Variants in NUCKS1 observed in about 807,000 individuals in gnomAD.
NUCKS1 encodes the protein nuclear ubiquitous casein and cyclin-dependent kinase substrate 1.
A neutral mutation model predicts 33.0 loss-of-function variants in NUCKS1; 2 were observed. The observed-to-expected ratio is 0.06, with a 90% CI of 0.02 to 0.19. NUCKS1 has a LOEUF of 0.19. Among genes scored for constraint, NUCKS1 ranks in the 10% least tolerant of loss-of-function variants. The pLI is 1.00. For missense variants in NUCKS1, 201 were observed against 293.6 expected, an observed-to-expected ratio of 0.68 and a Z score of 2.31; for synonymous variants, 106 against 102.8, an observed-to-expected ratio of 1.03 and a Z score of -0.19.
intron 3 of NUCKS1, among the ~76,000 whole-genome samples, chr1:205,726,175 G>A (rs1279012818): frequency 6.6e-6 from 1 of 152,062 alleles, no homozygotes; most frequent in Non-Finnish European, 1.5e-5. Context: ...CTCCAGCCTG[G>A]GTGACAAGAG....
At position 205,713,536 on chromosome 1, in the gene NUCKS1, A is replaced by G. The variant is rs964643902; in HGVS notation, c.*4744T>C. 2 of 152,252 alleles carry G rather than the reference A, an allele frequency of 1.3e-5. No individual in the cohort carries two copies. The highest frequency in any genetic ancestry group is 2.9e-5 in the Non-Finnish European group (2 of 68,048). The allele number at this position is 152,252 out of a possible 1,614,324, so 9.4% of individuals were successfully genotyped here. On this transcript the variant is annotated 3_prime_UTR_variant, in exon 7 of 7. Transcript: ENST00000367142. ...TAAAAATTAAGTATCACAAAAGACCATCACACGATTCTACCAATGCATGTT... is the reference window on the plus strand; with the variant it reads ...TAAAAATTAAGTATCACAAAAGACCGTCACACGATTCTACCAATGCATGTT...
intron 4 of NUCKS1, among the ~76,000 whole-genome samples, chr1:205,722,093 T>A (rs921583345): frequency 3.3e-5 from 5 of 151,996 alleles, no homozygotes; most frequent in South Asian, 4.1e-4. Context: ...TTTTTTTTTT[T>A]AATTTGGAGT....
In NUCKS1 at chr1:205,750,148, C is replaced by T. The variant is rs958576848; in HGVS notation, c.-175G>A. The T allele has an allele frequency of 9.1e-6, 6 of 656,898 alleles. No individual in the cohort carries two copies. Among genetic ancestry groups the T allele is most frequent in the African/African-American group, 7.3e-5 (4 of 54,440 alleles). 40.7% of individuals were successfully genotyped at this position (656,898 alleles called of 1,614,324 possible). ...TTTGGTTCAGGGCTCCTGGAACAGA[C>T]GAGCCCCCCGCTCCCCCGTCTCTTC... On this transcript the variant is annotated 5_prime_UTR_variant, in exon 1 of 7. Transcript: ENST00000367142.
chr1:205,719,744 A>G (rs973273038), intron 5 of NUCKS1, 68 bp from the exon 6 acceptor site: 1 of 1,529,940 alleles, frequency 6.5e-7, no homozygotes, highest in African/African-American at 1.4e-5. Context: ...AAAGGAAGAG[A>G]GTGCTAAGAA....
chr1:205,748,461 A>G (rs1451346430), intron 1 of NUCKS1, among the ~76,000 whole-genome samples: 2 of 152,248 alleles, frequency 1.3e-5, no homozygotes, highest in African/African-American at 4.8e-5. Flanking sequence ...TGATGGATAC[A>G]TTGGTCAAGT....
At chr1:205,741,949 A>T (rs1654187146) in intron 1 of NUCKS1, among the ~76,000 whole-genome samples, 1 of 152,246 alleles carries the variant, frequency 6.6e-6, no homozygotes, top group Non-Finnish European at 1.5e-5. Flanking sequence ...AATTCCAAAC[A>T]GTAAAGTTTC....
chr1:205,749,880 C>T lies in NUCKS1; in HGVS notation c.17+77G>A, dbSNP rs1170905691. The T allele has an allele frequency of 4.8e-6, 7 of 1,457,684 alleles. No homozygotes were observed. In the Admixed American group the frequency reaches 7.3e-5, roughly 15 times the overall value. The allele number at this position is 1,457,684 out of a possible 1,614,324, so 90.3% of individuals were successfully genotyped here. On this transcript the variant is annotated intron_variant, in intron 1 of 6. Coordinates refer to ENST00000367142, the MANE Select transcript of NUCKS1 (RefSeq NM_022731.5). ...CGGCACCGGGGATGGCGGACTCTAG[C>T]CTTCTGTCCCCCACTCTTTTCACCA...
At chr1:205,726,545 G>A (rs1378755973) in intron 3 of NUCKS1, among the ~76,000 whole-genome samples, 2 of 152,156 alleles carry the variant, frequency 1.3e-5, no homozygotes, top group Admixed American at 6.5e-5. Flanking sequence ...TGATTTTGGT[G>A]CTCCAAGATT....
intron 1 of NUCKS1, among the ~76,000 whole-genome samples, chr1:205,747,386 C>G (rs1297027656): frequency 6.6e-6 from 1 of 152,166 alleles, no homozygotes; most frequent in Admixed American, 6.5e-5. Context: ...ATTTAACAGT[C>G]GGCCACTGCA....
At chr1:205,724,038 A>C in intron 3 of NUCKS1, 57 bp from the exon 4 acceptor site, 8 of 1,187,990 alleles carry the variant, frequency 6.7e-6, no homozygotes, top group African/African-American at 1.5e-5. Flanking sequence ...AATCTAAGTG[A>C]ACATAGATCT....
chr1:205,744,185 C>T (rs1251648545), intron 1 of NUCKS1, among the ~76,000 whole-genome samples: 1 of 152,184 alleles, frequency 6.6e-6, no homozygotes, highest in Admixed American at 6.5e-5. Flanking sequence ...AACACCGTGA[C>T]AAAGTGTACC....
intron 3 of NUCKS1, among the ~76,000 whole-genome samples, chr1:205,725,111 A>C (rs575862977): frequency 6.6e-6 from 1 of 152,186 alleles, no homozygotes; most frequent in Non-Finnish European, 1.5e-5. Flanking sequence ...TGAACTCCTG[A>C]GCTCAAGTGA....
intron 1 of NUCKS1, among the ~76,000 whole-genome samples, chr1:205,730,488 T>C (rs1653881411): frequency 6.6e-6 from 1 of 151,174 alleles, no homozygotes; most frequent in Admixed American, 6.6e-5. Flanking sequence ...CATTCTTTTC[T>C]CTCTCTTTTT....
In NUCKS1 at chr1:205,713,773, A is replaced by T. The variant is rs1571564186; in HGVS notation, c.*4507T>A. On this transcript the variant is annotated 3_prime_UTR_variant, in exon 7 of 7. Coordinates refer to ENST00000367142, the MANE Select transcript of NUCKS1 (RefSeq NM_022731.5). ...TGTATCTAGCAACATTGCAGTATGA[A>T]GAAAAGAGATGCCCCGGTCTCAGCC... 6.6e-6 allele frequency: 1 copy of T among 152,366 alleles called. No homozygotes were observed. Among genetic ancestry groups the T allele is most frequent in the East Asian group, 1.9e-4 (1 of 5,190 alleles). 9.4% of individuals were successfully genotyped at this position (152,366 alleles called of 1,614,324 possible).
chr1:205,718,575 A>G, intron 6 of NUCKS1, 96 bp from the exon 7 acceptor site: 2 of 1,537,210 alleles, frequency 1.3e-6, no homozygotes, highest in Non-Finnish European at 1.7e-6. Flanking sequence ...AATAAAATCT[A>G]TAAAGACAAT....
intron 1 of NUCKS1, among the ~76,000 whole-genome samples, chr1:205,736,125 AT>A (rs1287510350): frequency 6.6e-6 from 1 of 151,342 alleles, no homozygotes; most frequent in Admixed American, 6.6e-5. Context: ...TAAATTAAAA[AT>A]TTTTTTTTGT....
rs952345233 is a variant in NUCKS1, at chr1:205,714,552, C to T, written c.*3728G>A. ...GGATTCAAAAAGAATCATTTTGTAT[C>T]GAATTTACCCCAGACAAAGGGAAAA... On this transcript the variant is annotated 3_prime_UTR_variant, in exon 7 of 7. Coordinates refer to ENST00000367142, the MANE Select transcript of NUCKS1 (RefSeq NM_022731.5). 6 of 151,944 alleles carry T rather than the reference C, an allele frequency of 3.9e-5. No individual in the cohort carries two copies. Among genetic ancestry groups the T allele is most frequent in the Non-Finnish European group, 5.9e-5 (4 of 67,984 alleles). The allele number at this position is 151,944 out of a possible 1,614,324, so 9.4% of individuals were successfully genotyped here.
At chr1:205,735,445 A>T (rs1334326340) in intron 1 of NUCKS1, among the ~76,000 whole-genome samples, 1 of 152,242 alleles carries the variant, frequency 6.6e-6, no homozygotes, top group Non-Finnish European at 1.5e-5. Flanking sequence ...CCCTGGTGCT[A>T]TGTGACACAT....
chr1:205,719,378 G>A lies in NUCKS1; in HGVS notation c.532+149C>T, dbSNP rs1461196776. On this transcript the variant is annotated intron_variant, in intron 6 of 6. Transcript: ENST00000367142. ...TCTTTATTAATAAGAGATACTTCCA[G>A]TTGCAGAATACAAGACCCTTTTAGA... 4.0e-6 allele frequency: 3 copies of A among 749,764 alleles called. No individual in the cohort carries two copies. In the East Asian group the frequency reaches 8.0e-5, roughly 20 times the overall value. The allele number at this position is 749,764 out of a possible 1,614,324, so 46.4% of individuals were successfully genotyped here.
Sources: allele counts gnomAD v4.1 joint callset (sites outside exome capture counted in the v4.1 genomes callset), GRCh38; gene constraint gnomAD v4.1.1; transcripts MANE v1.5; gene names NCBI Gene and HGNC (gene_info 2026-07-23, HGNC 2026-07-21).